Variants in RORA observed in about 807,000 individuals in gnomAD.
The protein encoded by RORA is nuclear receptor ROR-alpha.
RORA carries 7 observed loss-of-function variants against 69.5 expected under a neutral mutation model. The observed-to-expected ratio is 0.10, with a 90% CI of 0.06 to 0.19. The LOEUF (loss-of-function observed/expected upper bound fraction) is 0.19. Among genes scored for constraint, RORA ranks in the 10% least tolerant of loss-of-function variants. The pLI is 1.00. For missense variants in RORA, 457 were observed against 663.0 expected (o/e 0.69, Z 3.41); for synonymous variants, 261 against 240.8 (o/e 1.08, Z -0.78).
intron 1 of RORA, among the ~76,000 whole-genome samples, chr15:60,842,106 T>C (rs2073206846): frequency 6.6e-6 from 1 of 152,132 alleles, no homozygotes; most frequent in South Asian, 2.1e-4. Flanking sequence ...CTCAGCCATC[T>C]TCCTTTCTAA....
intron 2 of RORA, among the ~76,000 whole-genome samples, chr15:60,570,352 C>T (rs538470455): frequency 2.6e-5 from 4 of 152,168 alleles, no homozygotes; most frequent in East Asian, 1.9e-4. Flanking sequence ...GTTTTTCAGA[C>T]GAGGTCTTGC....
intron 2 of RORA, among the ~76,000 whole-genome samples, chr15:60,578,083 T>A (rs1341935742): frequency 6.6e-6 from 1 of 152,244 alleles, no homozygotes; most frequent in Non-Finnish European, 1.5e-5. Flanking sequence ...AAGTGGTAGT[T>A]TCTTAAAGAT....
At chr15:60,769,068 C>T (rs983692326) in intron 1 of RORA, among the ~76,000 whole-genome samples, 2 of 152,126 alleles carry the variant, frequency 1.3e-5, no homozygotes, top group Non-Finnish European at 2.9e-5. Context: ...TGTACGCTAG[C>T]GACCACATTT....
intron 3 of RORA, among the ~76,000 whole-genome samples, chr15:60,521,923 C>T (rs985318396): frequency 8.5e-5 from 13 of 152,084 alleles, no homozygotes; most frequent in Admixed American, 5.9e-4. Flanking sequence ...ATTTCTGATA[C>T]GTGTCTTACC....
chr15:60,972,805 C>T (rs985260132), intron 1 of RORA, among the ~76,000 whole-genome samples: 5 of 152,126 alleles, frequency 3.3e-5, no homozygotes, highest in Admixed American at 2.0e-4. Flanking sequence ...CATGTTGATT[C>T]GTCAGCATAA....
chr15:60,858,677 T>C (rs2073405266), intron 1 of RORA, among the ~76,000 whole-genome samples: 1 of 108,448 alleles, frequency 9.2e-6, no homozygotes. Flanking sequence ...TCAGATTCAT[T>C]AAAAAGAAAG....
chr15:61,152,677 TA>T (rs2079407863), intron 1 of RORA, among the ~76,000 whole-genome samples: 1 of 152,178 alleles, frequency 6.6e-6, no homozygotes, highest in Non-Finnish European at 1.5e-5. Context: ...CACATTTATA[TA>T]AAAATGAAGC....
At chr15:60,523,888 T>C (rs1421521513) in intron 3 of RORA, among the ~76,000 whole-genome samples, 1 of 152,192 alleles carries the variant, frequency 6.6e-6, no homozygotes, top group Non-Finnish European at 1.5e-5. Flanking sequence ...TTGCCCAGAC[T>C]GGTCTTGAAC....
intron 1 of RORA, among the ~76,000 whole-genome samples, chr15:60,855,018 A>G (rs975786259): frequency 1.3e-5 from 2 of 152,252 alleles, no homozygotes; most frequent in Non-Finnish European, 2.9e-5. Context: ...AGCATCGCAC[A>G]GTAACTGAAA....
intron 1 of RORA, 71 bp from the exon 2 acceptor site, chr15:60,678,757 C>A: frequency 7.6e-7 from 1 of 1,322,894 alleles, no homozygotes; most frequent in Non-Finnish European, 1.1e-6. Flanking sequence ...TCCGTCATTC[C>A]CAGTGTGCTC....
At chr15:60,626,312 G>A (rs1172719021) in intron 2 of RORA, among the ~76,000 whole-genome samples, 1 of 152,114 alleles carries the variant, frequency 6.6e-6, no homozygotes, top group Non-Finnish European at 1.5e-5. Context: ...GGCCTCCACT[G>A]GGCTGTGTCA....
intron 2 of RORA, chr15:60,615,143 G>T (rs527248070): frequency 7.6e-7 from 1 of 1,321,540 alleles, no homozygotes; most frequent in Non-Finnish European, 1.0e-6. Context: ...ATGCTCTCTC[G>T]TGTTTCCTCA....
chr15:60,529,898 C>T (rs528444866), intron 3 of RORA: 2 of 152,292 alleles, frequency 1.3e-5, no homozygotes, highest in South Asian at 4.1e-4. Context: ...AATCACTTGC[C>T]TTACTGACAG....
chr15:60,705,406 C>T (rs1216574409), intron 1 of RORA, among the ~76,000 whole-genome samples: 1 of 152,100 alleles, frequency 6.6e-6, no homozygotes, highest in African/African-American at 2.4e-5. Flanking sequence ...AGACTATCAC[C>T]ACAAGTATGT....
At chr15:61,082,946 T>A (rs147278690) in intron 1 of RORA, among the ~76,000 whole-genome samples, 4 of 152,246 alleles carry the variant, frequency 2.6e-5, no homozygotes, top group African/African-American at 4.8e-5. Context: ...TTCCCCAAGA[T>A]GACATACTAA....
At chr15:60,568,492 G>T (rs1021394878) in intron 2 of RORA, among the ~76,000 whole-genome samples, 1 of 152,198 alleles carries the variant, frequency 6.6e-6, no homozygotes, top group Non-Finnish European at 1.5e-5. Flanking sequence ...GCATACCCCG[G>T]CTCAGTGTGG....
intron 1 of RORA, among the ~76,000 whole-genome samples, chr15:60,893,766 G>A (rs1891146556): frequency 6.6e-6 from 1 of 152,170 alleles, no homozygotes; most frequent in East Asian, 1.9e-4. Flanking sequence ...TCAGATGGGA[G>A]AAGAAATCCC....
intron 1 of RORA, among the ~76,000 whole-genome samples, chr15:60,925,365 A>C (rs923942141): frequency 6.6e-6 from 1 of 152,204 alleles, no homozygotes; most frequent in Non-Finnish European, 1.5e-5. Context: ...CCCCATATTC[A>C]AACTGAAAGG....
intron 1 of RORA, among the ~76,000 whole-genome samples, chr15:60,914,542 C>T (rs1339381673): frequency 6.6e-6 from 1 of 152,230 alleles, no homozygotes; most frequent in Non-Finnish European, 1.5e-5. Flanking sequence ...AGACCTATCA[C>T]AGTACTTGGC....
Sources: allele counts gnomAD v4.1 joint callset (sites outside exome capture counted in the v4.1 genomes callset), GRCh38; gene constraint gnomAD v4.1.1; transcripts MANE v1.5; gene names NCBI Gene and HGNC (gene_info 2026-07-23, HGNC 2026-07-21).